RNGTT: variants seen among roughly 807,000 people sequenced by gnomAD.
RNGTT encodes the protein mRNA-capping enzyme.
Under a neutral mutation model 79.3 loss-of-function variants are expected in RNGTT, and 33 were observed. The ratio of observed to expected loss-of-function variants is 0.42; its 90% confidence interval spans 0.32 to 0.56. The LOEUF is 0.56. Among genes scored for constraint, RNGTT ranks in the 20% least tolerant of loss-of-function variants. The probability of loss-of-function intolerance (pLI) is 0.17; values close to 1 mark genes in which losing one functional copy is unlikely to be tolerated. For synonymous variants in RNGTT, 222 were observed against 235.9 expected, an observed-to-expected ratio of 0.94 and a Z score of 0.54; for missense variants, 497 against 739.1, an observed-to-expected ratio of 0.67 and a Z score of 3.80.
chr6:88,772,083 G>A (rs2127844325), intron 12 of RNGTT, among the ~76,000 whole-genome samples: 1 of 152,140 alleles, frequency 6.6e-6, no homozygotes, highest in African/African-American at 2.4e-5. Context: ...GGAGACTGAG[G>A]TGGGAGGATT....
intron 15 of RNGTT, among the ~76,000 whole-genome samples, chr6:88,613,343 A>G (rs916128544): frequency 2.0e-5 from 3 of 152,238 alleles, no homozygotes; most frequent in Non-Finnish European, 4.4e-5. Context: ...CATTGTAGCT[A>G]GCAGACCATA....
intron 11 of RNGTT, among the ~76,000 whole-genome samples, chr6:88,836,250 T>C (rs1562277760): frequency 6.6e-6 from 1 of 151,210 alleles, no homozygotes; most frequent in Non-Finnish European, 1.5e-5. Flanking sequence ...ATATAATTGA[T>C]GACACTTTAT....
intron 14 of RNGTT, among the ~76,000 whole-genome samples, chr6:88,641,799 C>G (rs1032119078): frequency 6.6e-6 from 1 of 152,198 alleles, no homozygotes; most frequent in Non-Finnish European, 1.5e-5. Context: ...AAACAACACT[C>G]TTTCTGAGCA....
chr6:88,885,841 A>C (rs1782839247), intron 8 of RNGTT, among the ~76,000 whole-genome samples: 1 of 152,224 alleles, frequency 6.6e-6, no homozygotes, highest in African/African-American at 2.4e-5. Flanking sequence ...AGAATTCAAC[A>C]TTATGTGCCT....
rs943329149 is a variant in RNGTT at position 88,941,098 on chromosome 6, C to T, written c.147G>A (p.Met49Ile). 2 of 1,611,872 alleles carry T rather than the reference C, an allele frequency of 1.2e-6. No individual in the cohort carries two copies. The highest frequency in any genetic ancestry group is 1.7e-6 in the Non-Finnish European group (2 of 1,178,316). ...VAEENRFHPS[M>I]LSNYLKSLKV... is the part of the protein sequence containing the mutation. ...TTAGGCTCTTTAGGTAATTTGAGAG[C>T]ATGCTGGGATGGAACCGATTTTCTT... is the stretch of plus-strand genomic sequence containing the variant. Residue 49 changes from methionine to isoleucine, a missense_variant, in exon 2 of 16, where the codon ATG (methionine) becomes ATA (isoleucine). Met to Ile is a conservative substitution (Grantham distance 10). Around this residue, in one of 3 missense-constraint regions of RNGTT, gnomAD observed 440 missense variants for 671.5 expected, o/e 0.66. Transcript: ENST00000369485.
intron 13 of RNGTT, among the ~76,000 whole-genome samples, chr6:88,697,956 T>G (rs1274121483): frequency 4.8e-5 from 4 of 82,986 alleles, no homozygotes; most frequent in South Asian, 3.2e-4. Context: ...ATATATATGA[T>G]ATATATATAT....
chr6:88,716,432 A>G (rs1404677570), intron 13 of RNGTT, among the ~76,000 whole-genome samples: 1 of 152,218 alleles, frequency 6.6e-6, no homozygotes, highest in Non-Finnish European at 1.5e-5. Flanking sequence ...ATCTAGAACT[A>G]GAAATACCAT....
At chr6:88,642,144 T>G (rs1402166080) in intron 14 of RNGTT, among the ~76,000 whole-genome samples, 1 of 152,170 alleles carries the variant, frequency 6.6e-6, no homozygotes, top group Admixed American at 6.5e-5. Context: ...AGCTTATGGA[T>G]GTATATAATA....
intron 13 of RNGTT, among the ~76,000 whole-genome samples, chr6:88,706,569 G>GA (rs1461942871): frequency 2.6e-5 from 4 of 151,590 alleles, no homozygotes; most frequent in Non-Finnish European, 5.9e-5. Context: ...CTGAAAGTTA[G>GA]AAAAAAAACT....
At chr6:88,844,977 T>A (rs1219826725) in intron 10 of RNGTT, among the ~76,000 whole-genome samples, 1 of 152,050 alleles carries the variant, frequency 6.6e-6, no homozygotes, top group Admixed American at 6.6e-5. Context: ...AATTAAAGTA[T>A]TAATATACTT....
chr6:88,778,668 T>C (rs930365441), intron 12 of RNGTT, among the ~76,000 whole-genome samples: 2 of 152,148 alleles, frequency 1.3e-5, no homozygotes, highest in African/African-American at 2.4e-5. Flanking sequence ...AACAGATTTT[T>C]ATAAATTATT....
Position 88,633,674 on chromosome 6 carries a change from T to C in RNGTT, c.1507-19279A>G, listed in dbSNP as rs557187956. Among the ~76,000 whole-genome samples the C allele has an allele frequency of 1.5e-4, 23 of 152,300 alleles. No homozygotes were observed. In the East Asian group the frequency reaches 3.5e-3, roughly 23 times the overall value. On this transcript the variant is annotated intron_variant, in intron 14 of 15. Coordinates refer to ENST00000369485, the MANE Select transcript of RNGTT (RefSeq NM_003800.5). ...AATACAGTCTCTTTCCAATTCTGCA[T>C]ATATATATTAATAAAAAGTTACACA... is the stretch of plus-strand genomic sequence containing the variant.
At position 88,930,207 on chromosome 6, in the gene RNGTT, C is replaced by T. The variant is rs551895681; in HGVS notation, c.175-940G>A. On this transcript the variant is annotated intron_variant, in intron 2 of 15. Transcript: ENST00000369485. ...ATACATATATACATAAACATATATA[C>T]ATATATACATATAAAACATGTATCT... 2.8e-5 allele frequency among the ~76,000 whole-genome samples: 4 copies of T among 141,666 alleles called. No individual in the cohort carries two copies. In the South Asian group the frequency reaches 6.4e-4, roughly 23 times the overall value. 92.9% of individuals were successfully genotyped at this position (141,666 alleles called of 152,430 possible).
intron 8 of RNGTT, among the ~76,000 whole-genome samples, chr6:88,875,184 T>G (rs1782479217): frequency 6.6e-6 from 1 of 151,482 alleles, no homozygotes; most frequent in Non-Finnish European, 1.5e-5. Context: ...CACAAAGCAA[T>G]TTGAAAAAAA....
Position 88,678,411 on chromosome 6 carries a change from G to C in RNGTT, c.1448C>G (p.Pro483Arg). The C allele has an allele frequency of 7.1e-7, 1 of 1,413,916 alleles. No individual in the cohort carries two copies. Among genetic ancestry groups the C allele is most frequent in the Non-Finnish European group, 9.3e-7 (1 of 1,073,516 alleles). 87.6% of individuals were successfully genotyped at this position (1,413,916 alleles called of 1,614,324 possible). Residue 483 changes from proline to arginine, a missense_variant, in exon 14 of 16, where the codon CCT becomes CGT. This residue lies in a region of RNGTT where 440 missense variants were observed against 671.5 expected (regional missense o/e 0.66). Transcript: ENST00000369485. ...AACATACAGGAGGCCAACATTCTGA[G>C]GAAGTAACCTACAAAGAAAAAAAAG... Reference protein sequence around the residue: ...ITRMGGEGLLPQNVGLLYVGG... With the variant: ...ITRMGGEGLLRQNVGLLYVGG...
intron 11 of RNGTT, among the ~76,000 whole-genome samples, chr6:88,826,117 T>C (rs114581497): frequency 9.1e-4 from 138 of 152,326 alleles, no homozygotes; most frequent in African/African-American, 3.0e-3. Context: ...GTTGATTTCA[T>C]GTACCACTGG....
chr6:88,911,793 T>A (rs1205049945), intron 4 of RNGTT, among the ~76,000 whole-genome samples: 1 of 152,016 alleles, frequency 6.6e-6, no homozygotes, highest in East Asian at 1.9e-4. Context: ...CCTACCTACA[T>A]CAAGAAGATA....
chr6:88,701,447 C>T (rs761382339), intron 13 of RNGTT, among the ~76,000 whole-genome samples: 4 of 151,824 alleles, frequency 2.6e-5, no homozygotes, highest in African/African-American at 4.8e-5. Flanking sequence ...CCTATATATG[C>T]GTGTGTATAT....
intron 13 of RNGTT, among the ~76,000 whole-genome samples, chr6:88,751,351 AAATATTAGAACACT>A (rs1305082018): frequency 6.6e-6 from 1 of 152,138 alleles, no homozygotes; most frequent in Non-Finnish European, 1.5e-5. Context: ...CTTGACTTAT[AAATATTAGAACACT>A]ACCAAAAAGA....
Sources: allele counts gnomAD v4.1 joint callset (sites outside exome capture counted in the v4.1 genomes callset), GRCh38; gene constraint gnomAD v4.1.1; regional missense constraint gnomAD v4.1.1; transcripts MANE v1.5; gene names NCBI Gene and HGNC (gene_info 2026-07-23, HGNC 2026-07-21).